KLF13: variants seen among roughly 807,000 people sequenced by gnomAD.
The protein encoded by KLF13 is KLF transcription factor 13.
A neutral mutation model predicts 16.7 loss-of-function variants in KLF13; 8 were observed. The observed-to-expected ratio is 0.48, with a 90% CI of 0.28 to 0.87. The LOEUF (loss-of-function observed/expected upper bound fraction) is 0.87, where lower values mean the gene tolerates loss of function less well. Among genes scored for constraint, KLF13 ranks in the 40% least tolerant of loss-of-function variants. The pLI, the probability that KLF13 is intolerant of heterozygous loss-of-function variation, is 0.10. For synonymous variants in KLF13, 245 were observed against 208.4 expected (o/e 1.18, Z -1.51); for missense variants, 447 against 452.2 (o/e 0.99, Z 0.10).
At chr15:31,421,031 T>C (rs1487861396) in intron 1 of KLF13, among the ~76,000 whole-genome samples, 1 of 152,142 alleles carries the variant, frequency 6.6e-6, no homozygotes, top group African/African-American at 2.4e-5. Context: ...AAGTTTTCCT[T>C]TGATGGTCTG....
rs184952800 is a variant in KLF13 at position 31,358,280 on chromosome 15, A to T, written c.578-13730A>T. ...GTCCAAACCTAAGGTTGGCAGGTTG[A>T]CTATAGTACAGTTGCGATTGTCTGC... On this transcript the variant is annotated intron_variant, in intron 1 of 1. Coordinates refer to ENST00000307145, the MANE Select transcript of KLF13 (RefSeq NM_015995.4). Among the ~76,000 whole-genome samples, 88 of 152,328 alleles carry T rather than the reference A, an allele frequency of 5.8e-4. No homozygotes were observed. The Middle Eastern group carries it at 0.01, about 18-fold the overall frequency.
At chr15:31,407,961 C>A (rs1356546959), downstream of KLF13, among the ~76,000 whole-genome samples, 1 of 152,118 alleles carries the variant, frequency 6.6e-6, no homozygotes, top group African/African-American at 2.4e-5. Context: ...TAGAGACATT[C>A]CTACTAAGGT....
downstream of KLF13, among the ~76,000 whole-genome samples, chr15:31,405,598 T>C (rs549409181): frequency 3.3e-5 from 5 of 152,278 alleles, no homozygotes; most frequent in East Asian, 9.6e-4. Context: ...GGAGGGTTAG[T>C]ATATGCTGGA....
intron 1 of KLF13, among the ~76,000 whole-genome samples, chr15:31,346,652 T>G (rs1032247533): frequency 2.0e-5 from 3 of 152,248 alleles, no homozygotes; most frequent in Non-Finnish European, 2.9e-5. Context: ...CACAGCAGCC[T>G]TCACTTCCGT....
chr15:31,386,499 TA>T (rs1166023362), intron 1 of KLF13, among the ~76,000 whole-genome samples: 1 of 150,282 alleles, frequency 6.7e-6, no homozygotes, highest in African/African-American at 2.5e-5. Context: ...AACTCCATCT[TA>T]AAAAAAAAGA....
intron 1 of KLF13, among the ~76,000 whole-genome samples, chr15:31,418,813 A>G (rs1311000307): frequency 6.6e-6 from 1 of 152,198 alleles, no homozygotes; most frequent in Non-Finnish European, 1.5e-5. Flanking sequence ...GTAATTTATA[A>G]TGAAAAAATA....
rs1415110783 is a variant in KLF13, at chr15:31,327,003, A to G, written c.-210A>G. 1 of 218,552 alleles carries G rather than the reference A, an allele frequency of 4.6e-6. No homozygotes were observed. The highest frequency in any genetic ancestry group is 8.0e-6 in the Non-Finnish European group (1 of 125,322). 13.5% of individuals were successfully genotyped at this position (218,552 alleles called of 1,614,324 possible). On this transcript the variant is annotated 5_prime_UTR_variant, in exon 1 of 2. Transcript: ENST00000307145. ...AGTCGCCCGCGCGCCCCATGCGCTCACTCTTCGGTGCCCGGCCGGGCCGGC... is the reference window on the plus strand; with the variant it reads ...AGTCGCCCGCGCGCCCCATGCGCTCGCTCTTCGGTGCCCGGCCGGGCCGGC...
chr15:31,336,799 G>A (rs1321487381), intron 1 of KLF13, among the ~76,000 whole-genome samples: 1 of 152,142 alleles, frequency 6.6e-6, no homozygotes, highest in African/African-American at 2.4e-5. Flanking sequence ...AAAAGGTTAA[G>A]GCTATTCACC....
intron 1 of KLF13, among the ~76,000 whole-genome samples, chr15:31,412,166 G>C (rs2040203490): frequency 6.6e-6 from 1 of 152,188 alleles, no homozygotes; most frequent in South Asian, 2.1e-4. Flanking sequence ...GAGCTTGTTT[G>C]CTTCTTTCAC....
At chr15:31,348,661 G>A (rs1488330368) in intron 1 of KLF13, among the ~76,000 whole-genome samples, 2 of 152,000 alleles carry the variant, frequency 1.3e-5, no homozygotes, top group South Asian at 2.1e-4. Flanking sequence ...AGGCCGCAGT[G>A]CCTTGGGCTC....
chr15:31,352,342 TC>T lies in KLF13; in HGVS notation c.578-19665del, dbSNP rs2039229958. Among the ~76,000 whole-genome samples the T allele has an allele frequency of 1.3e-5, 2 of 152,194 alleles. 1 individual carries two copies. The highest frequency in any genetic ancestry group is 4.1e-4 in the South Asian group (2 of 4,828). ...GCTCAGGGGTTTCTACCTCCCTCAG[TC>T]CCAGTGTCTGCCCTACAGGCTCCCT... On this transcript the variant is annotated intron_variant, in intron 1 of 1. Transcript: ENST00000307145.
upstream of KLF13, among the ~76,000 whole-genome samples, chr15:31,392,661 C>T (rs143534203): frequency 0.012 from 1,827 of 152,298 alleles, 33 homozygotes; most frequent in African/African-American, 0.04. Context: ...GAGGAAGGAG[C>T]CAGTGACTTG....
rs537634221 is a variant in KLF13 at position 31,356,888 on chromosome 15, T to G, written c.578-15122T>G. Among the ~76,000 whole-genome samples the G allele has an allele frequency of 3.9e-5, 6 of 152,312 alleles. No homozygotes were observed. The South Asian group carries it at 1.0e-3, about 26-fold the overall frequency. On this transcript the variant is annotated intron_variant, in intron 1 of 1. Transcript: ENST00000307145. ...AGGTGCTTGGCCAAGCTCTGTCCTC[T>G]GCAGCGGGCCCGTCGGGTGGCATCT... is the stretch of plus-strand genomic sequence containing the variant.
chr15:31,367,906 A>T (rs1368012605), intron 1 of KLF13, among the ~76,000 whole-genome samples: 1 of 152,154 alleles, frequency 6.6e-6, no homozygotes, highest in Admixed American at 6.5e-5. Flanking sequence ...AGCAACCGAA[A>T]CTTACTCTCT....
downstream of KLF13, among the ~76,000 whole-genome samples, chr15:31,406,450 T>C (rs1359519250): frequency 6.6e-6 from 1 of 152,044 alleles, no homozygotes; most frequent in African/African-American, 2.4e-5. Context: ...CCTGGCAAGA[T>C]TACACCACTG....
intron 1 of KLF13, among the ~76,000 whole-genome samples, chr15:31,351,335 T>C (rs1359156794): frequency 6.6e-6 from 1 of 152,260 alleles, no homozygotes; most frequent in Non-Finnish European, 1.5e-5. Flanking sequence ...TCAATAACTT[T>C]AATCCCACCA....
At chr15:31,339,085 G>T (rs773685217) in intron 1 of KLF13, among the ~76,000 whole-genome samples, 1 of 152,112 alleles carries the variant, frequency 6.6e-6, no homozygotes, top group Non-Finnish European at 1.5e-5. Flanking sequence ...GTTGGGAGGA[G>T]GTGGCTTGGC....
At chr15:31,405,870 AC>A (rs1452277707), downstream of KLF13, among the ~76,000 whole-genome samples, 1 of 152,216 alleles carries the variant, frequency 6.6e-6, no homozygotes, top group Admixed American at 6.5e-5. Flanking sequence ...ACGAAGAGGA[AC>A]AAAAGTAACA....
chr15:31,421,983 C>T (rs561102368), intron 1 of KLF13, among the ~76,000 whole-genome samples: 56 of 151,998 alleles, frequency 3.7e-4, no homozygotes, highest in Admixed American at 1.1e-3. Context: ...GGCATGGTGG[C>T]GTGCACCTGT....
Sources: gnomAD v4.1 joint callset for allele counts (sites outside exome capture counted in the v4.1 genomes callset) on GRCh38, gnomAD v4.1.1 for gene constraint, MANE v1.5 for transcripts, NCBI Gene and HGNC (gene_info 2026-07-23, HGNC 2026-07-21) for gene names.